The following VWC2L variants were observed in gnomAD, a reference collection of about 807,000 sequenced individuals.
VWC2L encodes von Willebrand factor C domain-containing protein 2-like.
VWC2L carries 10 observed loss-of-function variants against 21.6 expected under a neutral mutation model. The observed-to-expected ratio is 0.46, with a 90% confidence interval of 0.29 to 0.78. The LOEUF (loss-of-function observed/expected upper bound fraction) is 0.78. Ranked by LOEUF, VWC2L falls within the 30% of genes least tolerant of loss-of-function variation. The pLI is 0.10. For missense variants in VWC2L, 209 were observed against 277.1 expected (o/e 0.75, Z 1.74); for synonymous variants, 96 against 94.3 (o/e 1.02, Z -0.10).
In VWC2L at chr2:214,422,035, G is replaced by T. The variant is rs76212756; in HGVS notation, c.390+7452G>T. ...CTCCCATGTAGCTGGGATTACAGGC[G>T]CGTGCCACCATGCCCGGCTAATTTT... On this transcript the variant is annotated intron_variant, in intron 2 of 3. Coordinates refer to ENST00000312504, the MANE Select transcript of VWC2L (RefSeq NM_001080500.4). 4.0e-5 allele frequency among the ~76,000 whole-genome samples: 6 copies of T among 150,266 alleles called. No individual in the cohort carries two copies. In the East Asian group the frequency reaches 1.2e-3, roughly 30 times the overall value.
intron 3 of VWC2L, among the ~76,000 whole-genome samples, chr2:214,513,332 T>G (rs566163525): frequency 2.6e-5 from 4 of 152,208 alleles, no homozygotes; most frequent in African/African-American, 9.6e-5. Context: ...AACAAAATCA[T>G]GCAAGCCAGG....
intron 1 of VWC2L, among the ~76,000 whole-genome samples, chr2:214,412,465 G>A (rs1702293405): frequency 6.6e-6 from 1 of 151,946 alleles, no homozygotes; most frequent in Non-Finnish European, 1.5e-5. Flanking sequence ...AGTAATTTGA[G>A]AGAAAAAAAT....
At chr2:214,556,569 T>A (rs1161456268) in intron 3 of VWC2L, among the ~76,000 whole-genome samples, 2 of 152,142 alleles carry the variant, frequency 1.3e-5, no homozygotes, top group South Asian at 2.1e-4. Flanking sequence ...CAATATAATA[T>A]CTTTTGATGT....
At chr2:214,481,314 A>G (rs902756933) in intron 3 of VWC2L, among the ~76,000 whole-genome samples, 9 of 152,176 alleles carry the variant, frequency 5.9e-5, no homozygotes, top group African/African-American at 2.2e-4. Flanking sequence ...TCATCTTGCA[A>G]CACTCCTACC....
At chr2:214,412,089 C>A (rs1014522171) in intron 1 of VWC2L, among the ~76,000 whole-genome samples, 1 of 151,040 alleles carries the variant, frequency 6.6e-6, no homozygotes, top group African/African-American at 2.4e-5. Context: ...TTGTTTTTTA[C>A]CATGCAGATT....
At chr2:214,537,170 C>T (rs1187957938) in intron 3 of VWC2L, among the ~76,000 whole-genome samples, 1 of 152,046 alleles carries the variant, frequency 6.6e-6, no homozygotes, top group Admixed American at 6.6e-5. Context: ...CTCACCCCTA[C>T]CCCAATAGTT....
chr2:214,447,777 A>G (rs1446222718), intron 3 of VWC2L, among the ~76,000 whole-genome samples: 1 of 152,100 alleles, frequency 6.6e-6, no homozygotes, highest in East Asian at 1.9e-4. Flanking sequence ...TCGGGCACAG[A>G]GTCCCAGATT....
intron 1 of VWC2L, among the ~76,000 whole-genome samples, chr2:214,412,418 C>G (rs887392236): frequency 6.6e-6 from 1 of 152,022 alleles, no homozygotes; most frequent in Non-Finnish European, 1.5e-5. Context: ...TATATTTATG[C>G]TTTTTCAGAA....
intron 3 of VWC2L, among the ~76,000 whole-genome samples, chr2:214,552,852 C>T (rs1689816059): frequency 6.6e-6 from 1 of 152,152 alleles, no homozygotes; most frequent in African/African-American, 2.4e-5. Context: ...TTAAGCTTTC[C>T]ACTTGTAAGC....
At chr2:214,522,300 G>C (rs1170737847) in intron 3 of VWC2L, among the ~76,000 whole-genome samples, 3 of 151,086 alleles carry the variant, frequency 2.0e-5, no homozygotes, top group African/African-American at 7.3e-5. Context: ...GCGTGAACCC[G>C]GGAGGCGGAG....
At chr2:214,563,469 C>T (rs980086668) in intron 3 of VWC2L, among the ~76,000 whole-genome samples, 21 of 144,504 alleles carry the variant, frequency 1.5e-4, no homozygotes, top group Admixed American at 2.2e-4. Flanking sequence ...ATGGCATGAA[C>T]CCAGGAGGCA....
chr2:214,412,670 C>T (rs1231709232), intron 1 of VWC2L, among the ~76,000 whole-genome samples: 1 of 151,980 alleles, frequency 6.6e-6, no homozygotes, highest in Non-Finnish European at 1.5e-5. Flanking sequence ...GGCATACTAC[C>T]TTCCATTTTA....
rs914533509 is a variant in VWC2L, at chr2:214,546,757, T to C, written c.521-28915T>C. ...TTTAGCAAACACCAAGAACACTGAA[T>C]GTTACAAGCCATACAAGTGACATGA... On this transcript the variant is annotated intron_variant, in intron 3 of 3. Transcript: ENST00000312504. Among the ~76,000 whole-genome samples, 3 of 152,230 alleles carry C rather than the reference T, an allele frequency of 2.0e-5. No homozygotes were observed. The Middle Eastern group carries it at 0.01, about 518-fold the overall frequency.
chr2:214,534,460 T>C (rs1689492864), intron 3 of VWC2L, among the ~76,000 whole-genome samples: 1 of 152,064 alleles, frequency 6.6e-6, no homozygotes, highest in East Asian at 1.9e-4. Flanking sequence ...CACCTTCCAC[T>C]TTAACAGAAA....
chr2:214,529,419 C>A lies in VWC2L; in HGVS notation c.521-46253C>A, dbSNP rs898504941. On this transcript the variant is annotated intron_variant, in intron 3 of 3. Coordinates refer to ENST00000312504, the MANE Select transcript of VWC2L (RefSeq NM_001080500.4). ...CCATTTGCCTTTTCAATGAACAGTTCCTGGTTCATGGGTTTTCTAAGATTT... is the reference window on the plus strand; with the variant it reads ...CCATTTGCCTTTTCAATGAACAGTTACTGGTTCATGGGTTTTCTAAGATTT... Among the ~76,000 whole-genome samples the A allele has an allele frequency of 2.6e-5, 4 of 152,204 alleles. No individual in the cohort carries two copies. The East Asian group carries it at 7.7e-4, about 29-fold the overall frequency.
intron 2 of VWC2L, among the ~76,000 whole-genome samples, chr2:214,431,446 A>C (rs1483676136): frequency 6.6e-6 from 1 of 152,212 alleles, no homozygotes; most frequent in African/African-American, 2.4e-5. Flanking sequence ...AAAGAAATGA[A>C]GTACCCCTTG....
intron 3 of VWC2L, among the ~76,000 whole-genome samples, chr2:214,466,957 C>T (rs1176840478): frequency 6.6e-6 from 1 of 152,150 alleles, no homozygotes; most frequent in Non-Finnish European, 1.5e-5. Flanking sequence ...CTAGTAATTT[C>T]TAATTGAATG....
chr2:214,574,852 T>C (rs1690203791), intron 3 of VWC2L, among the ~76,000 whole-genome samples: 1 of 150,378 alleles, frequency 6.6e-6, no homozygotes, highest in African/African-American at 2.4e-5. Flanking sequence ...TGCAAGAAAA[T>C]AAGGGGAAAG....
At chr2:214,525,627 A>C (rs1013878231) in intron 3 of VWC2L, among the ~76,000 whole-genome samples, 1 of 152,182 alleles carries the variant, frequency 6.6e-6, no homozygotes, top group African/African-American at 2.4e-5. Flanking sequence ...CACTCTCAGA[A>C]ATAATTCATT....
Sources: gnomAD v4.1 joint callset for allele counts (sites outside exome capture counted in the v4.1 genomes callset) on GRCh38, gnomAD v4.1.1 for gene constraint, MANE v1.5 for transcripts, NCBI Gene and HGNC (gene_info 2026-07-23, HGNC 2026-07-21) for gene names.